SLC12A2: variants seen among roughly 807,000 people sequenced by gnomAD.
The protein encoded by SLC12A2 is solute carrier family 12 member 2.
In SLC12A2, 67 loss-of-function variants were observed where a neutral mutation model predicts 136.3. That is an observed-to-expected ratio of 0.49 (90% CI 0.40 to 0.60). The LOEUF (loss-of-function observed/expected upper bound fraction) is 0.60, where lower values mean the gene tolerates loss of function less well. Among genes scored for constraint, SLC12A2 ranks in the 20% least tolerant of loss-of-function variants. The probability of loss-of-function intolerance (pLI) is 0.00; values close to 1 mark genes in which losing one functional copy is unlikely to be tolerated. For synonymous variants in SLC12A2, 619 were observed against 562.9 expected, an observed-to-expected ratio of 1.10 and a Z score of -1.41; for missense variants, 1,322 against 1,534.7, an observed-to-expected ratio of 0.86 and a Z score of 2.32.
intron 1 of SLC12A2, among the ~76,000 whole-genome samples, chr5:128,095,861 A>AC (rs938926391): frequency 2.0e-5 from 3 of 152,118 alleles, no homozygotes; most frequent in Non-Finnish European, 4.4e-5. Context: ...AGAATTGGTG[A>AC]CCTAGACCAT....
intron 10 of SLC12A2, among the ~76,000 whole-genome samples, chr5:128,144,405 A>G (rs1196294242): frequency 6.6e-6 from 1 of 152,122 alleles, no homozygotes; most frequent in Non-Finnish European, 1.5e-5. Flanking sequence ...TGTAAGTTGG[A>G]GTCTCCATCA....
At chr5:128,092,159 T>C (rs1249431207) in intron 1 of SLC12A2, among the ~76,000 whole-genome samples, 2 of 152,232 alleles carry the variant, frequency 1.3e-5, no homozygotes, top group African/African-American at 4.8e-5. Flanking sequence ...GGTATTACTC[T>C]GTCCATACAT....
At chr5:128,152,353 T>A (rs1307058145) in intron 14 of SLC12A2, among the ~76,000 whole-genome samples, 1 of 152,220 alleles carries the variant, frequency 6.6e-6, no homozygotes, top group Admixed American at 6.5e-5. Context: ...TATAAATAAG[T>A]ATTTCTTAAC....
At chr5:128,086,867 A>G (rs187215868) in intron 1 of SLC12A2, among the ~76,000 whole-genome samples, 11 of 152,244 alleles carry the variant, frequency 7.2e-5, no homozygotes, top group Non-Finnish European at 1.3e-4. Context: ...ATTGACTTCT[A>G]CCTCTCTAAC....
Position 128,148,780 on chromosome 5 carries a change from A to G in SLC12A2, c.1908A>G (p.Pro636=). The G allele has an allele frequency of 6.2e-7, 1 of 1,605,180 alleles. No individual in the cohort carries two copies. ...FQALCKDNIY[P]AFQMFAKGYG... is the part of the protein sequence containing the mutation. ...CTCTATGTAAGGACAACATCTACCC[A>G]GCTTTCCAGATGTTTGCTAAAGGTT... Residue 636 remains proline (P), a synonymous_variant, in exon 12 of 27, where the codon CCA becomes CCG. Coordinates refer to ENST00000262461, the MANE Select transcript of SLC12A2 (RefSeq NM_001046.3).
intron 15 of SLC12A2, among the ~76,000 whole-genome samples, chr5:128,154,449 T>C (rs1762810990): frequency 6.6e-6 from 1 of 152,166 alleles, no homozygotes; most frequent in Admixed American, 6.5e-5. Flanking sequence ...TTTGGCTTTT[T>C]AATTTTTATT....
At chr5:128,155,391 C>A (rs1561691899) in intron 15 of SLC12A2, among the ~76,000 whole-genome samples, 1 of 152,072 alleles carries the variant, frequency 6.6e-6, no homozygotes, top group African/African-American at 2.4e-5. Context: ...TACCTTTATA[C>A]CCCATCCTCC....
intron 1 of SLC12A2, among the ~76,000 whole-genome samples, chr5:128,091,661 C>T (rs986917101): frequency 2.0e-5 from 3 of 152,068 alleles, no homozygotes; most frequent in Non-Finnish European, 4.4e-5. Flanking sequence ...GGATCTCTAC[C>T]AACACTAGCT....
intron 24 of SLC12A2, among the ~76,000 whole-genome samples, chr5:128,183,251 CTGTTT>C (rs1288219666): frequency 2.0e-5 from 3 of 152,004 alleles, no homozygotes; most frequent in Non-Finnish European, 4.4e-5. Flanking sequence ...TTACTTTCCA[CTGTTT>C]TGTTTTATTG....
At chr5:128,155,501 T>C (rs1314590645) in intron 15 of SLC12A2, among the ~76,000 whole-genome samples, 2 of 152,214 alleles carry the variant, frequency 1.3e-5, no homozygotes, top group African/African-American at 4.8e-5. Flanking sequence ...TAGTAAATTA[T>C]TACTGTTTTT....
Position 128,152,719 on chromosome 5 carries a change from A to G in SLC12A2, c.2277A>G (p.Gly759=). 1 of 1,610,288 alleles carries G rather than the reference A, an allele frequency of 6.2e-7. No individual in the cohort carries two copies. The highest frequency in any genetic ancestry group is 8.5e-7 in the Non-Finnish European group (1 of 1,176,600). Residue 759 remains glycine, a synonymous_variant, in exon 15 of 27, where the codon GGA becomes GGG. Coordinates refer to ENST00000262461, the MANE Select transcript of SLC12A2 (RefSeq NM_001046.3). ...ATCTTCCCACAGATGTGAATTGGGG[A>G]TCCTCTACACAAGCCCTGACTTACC... ...VTYKKPDVNW[G]SSTQALTYLN...
intron 1 of SLC12A2, chr5:128,110,253 C>G: frequency 1.2e-6 from 1 of 808,124 alleles, no homozygotes; most frequent in Non-Finnish European, 2.3e-6. Context: ...CCGACCTTTT[C>G]CTGGTGTGGC....
rs139110951 is a variant in SLC12A2 at position 128,131,201 on chromosome 5, C to T, written c.1183C>T (p.Leu395Phe). 22 of 1,613,930 alleles carry T rather than the reference C, an allele frequency of 1.4e-5. No homozygotes were observed. In the African/African-American group the frequency reaches 2.8e-4, roughly 21 times the overall value. The part of the protein sequence containing the change: ...VGFAETVVEL[L>F]KEHSILMIDE... ...ATTTGCAGAAACCGTGGTGGAGTTGCTTAAGGTAATTCACCTTCCTTCTAG... is the reference window on the plus strand; with the variant it reads ...ATTTGCAGAAACCGTGGTGGAGTTGTTTAAGGTAATTCACCTTCCTTCTAG... The change falls in exon 5 of 27, where the codon CTT becomes TTT. Residue 395 changes from leucine (L) to phenylalanine (F), a missense_variant. Transcript: ENST00000262461.
intron 4 of SLC12A2, among the ~76,000 whole-genome samples, chr5:128,119,285 G>A (rs1761465603): frequency 1.3e-5 from 2 of 152,060 alleles, no homozygotes; most frequent in South Asian, 4.2e-4. Flanking sequence ...GACTATTAAG[G>A]GAATTAATGA....
intron 1 of SLC12A2, among the ~76,000 whole-genome samples, chr5:128,102,632 T>C (rs1043566436): frequency 7.7e-6 from 1 of 129,924 alleles, no homozygotes; most frequent in African/African-American, 2.9e-5. Context: ...TTTTTTCTTT[T>C]GAGGTAGTCT....
At chr5:128,111,756 C>G (rs1561663479) in intron 1 of SLC12A2, among the ~76,000 whole-genome samples, 1 of 141,232 alleles carries the variant, frequency 7.1e-6, no homozygotes, top group African/African-American at 2.7e-5. Flanking sequence ...CAGAGCGAGA[C>G]TCCATCTCAA....
At chr5:128,184,662 T>C (rs1373228996) in intron 25 of SLC12A2, 127 bp from the exon 26 acceptor site, 7 of 1,488,218 alleles carry the variant, frequency 4.7e-6, no homozygotes, top group Non-Finnish European at 5.5e-6. Context: ...AAAATAAAAA[T>C]AGAGAACAGA....
intron 4 of SLC12A2, among the ~76,000 whole-genome samples, chr5:128,126,546 A>G (rs966825516): frequency 6.6e-6 from 1 of 152,216 alleles, no homozygotes. Context: ...AAAGGAAATC[A>G]GTATATTGGA....
At chr5:128,126,967 T>TATATATATATATATATATATA (rs1491322749) in intron 4 of SLC12A2, among the ~76,000 whole-genome samples, 5 of 29,648 alleles carry the variant, frequency 1.7e-4, no homozygotes, top group African/African-American at 7.7e-4. Context: ...TATATATATA[T>TATATATATATATATATATATA]TTTTTTTTTT....
Sources: gnomAD v4.1 joint callset for allele counts (sites outside exome capture counted in the v4.1 genomes callset) on GRCh38, gnomAD v4.1.1 for gene constraint, MANE v1.5 for transcripts, NCBI Gene and HGNC (gene_info 2026-07-23, HGNC 2026-07-21) for gene names.